PSEN2: variants seen among roughly 807,000 people sequenced by gnomAD.
PSEN2 encodes presenilin 2.
Under a neutral mutation model 49.1 loss-of-function variants are expected in PSEN2, and 32 were observed. That is an observed-to-expected ratio of 0.65 (90% confidence interval 0.49 to 0.88). PSEN2 has a LOEUF of 0.88. Ranked by LOEUF, PSEN2 falls within the 40% of genes least tolerant of loss-of-function variation. The pLI, the probability that PSEN2 is intolerant of heterozygous loss-of-function variation, is 0.00. For missense variants in PSEN2, 522 were observed against 586.9 expected, an observed-to-expected ratio of 0.89 and a Z score of 1.14; for synonymous variants, 255 against 244.0, an observed-to-expected ratio of 1.05 and a Z score of -0.42.
chr1:226,902,937 G>A (rs1296328065), intron 12 of PSEN2, among the ~76,000 whole-genome samples: 2 of 152,124 alleles, frequency 1.3e-5, no homozygotes, highest in Admixed American at 6.5e-5. Flanking sequence ...ACAGAAACCT[G>A]AGAGGCTGAA....
Position 226,890,124 on chromosome 1 carries a change from A to G in PSEN2, c.877A>G (p.Ile293Val). 6.2e-7 allele frequency: 1 copy of G among 1,612,794 alleles called. No individual in the cohort carries two copies. The highest frequency in any genetic ancestry group is 8.5e-7 in the Non-Finnish European group (1 of 1,178,790). Residue 293 changes from isoleucine to valine, a missense_variant, in exon 9 of 13, where the codon ATA (isoleucine) becomes GTA (valine). Physicochemically the swap from Ile to Val is conservative, Grantham distance 29. Transcript: ENST00000366783. ...ERNEPIFPAL[I>V]YSSAMVWTVG... Reference sequence around the variant, plus strand: ...AAATGAGCCCATATTCCCTGCCCTGATATACTCATGTGAGTGAGCCCCCCG... The same window carrying G: ...AAATGAGCCCATATTCCCTGCCCTGGTATACTCATGTGAGTGAGCCCCCCG...
At chr1:226,878,413 G>A (rs1419200984) in intron 3 of PSEN2, among the ~76,000 whole-genome samples, 1 of 152,158 alleles carries the variant, frequency 6.6e-6, no homozygotes. Flanking sequence ...GGAATTGTAA[G>A]GAACTGATTC....
At chr1:226,879,658 C>A (rs895837548) in intron 3 of PSEN2, among the ~76,000 whole-genome samples, 31 of 152,310 alleles carry the variant, frequency 2.0e-4, no homozygotes, top group African/African-American at 6.3e-4. Flanking sequence ...CAAACTCTGC[C>A]TGGTGAAATA....
intron 6 of PSEN2, among the ~76,000 whole-genome samples, chr1:226,886,001 GACTACAGGTTTGCACCACCAT>G (rs1186299805): frequency 2.6e-5 from 4 of 151,944 alleles, no homozygotes; most frequent in Non-Finnish European, 5.9e-5. Context: ...AAGTAGCTAG[GACTACAGGTTTGCACCACCAT>G]ACCTGGCTAA....
chr1:226,890,564 C>G (rs1571964178), intron 9 of PSEN2: 1 of 281,836 alleles, frequency 3.5e-6, no homozygotes, highest in Non-Finnish European at 7.0e-6. Flanking sequence ...GGAAGGCACA[C>G]GGGATGGCCC....
intron 2 of PSEN2, among the ~76,000 whole-genome samples, chr1:226,871,821 C>T (rs1482607838): frequency 2.0e-5 from 3 of 152,218 alleles, no homozygotes; most frequent in Non-Finnish European, 4.4e-5. Flanking sequence ...TTCTTCTCTC[C>T]TGAATGTGGT....
At chr1:226,883,187 A>G (rs1439112120) in intron 4 of PSEN2, among the ~76,000 whole-genome samples, 1 of 152,228 alleles carries the variant, frequency 6.6e-6, no homozygotes, top group Non-Finnish European at 1.5e-5. Context: ...TCAGAGCTAC[A>G]AATTTACATG....
At chr1:226,894,175 G>T (rs200852140) in intron 12 of PSEN2, 50 bp downstream of exon 12, 45 of 1,389,220 alleles carry the variant, frequency 3.2e-5, no homozygotes, top group Non-Finnish European at 4.3e-5. Flanking sequence ...GGCCCCCAGG[G>T]TCCTCATTGT....
At chr1:226,882,889 T>G (rs1199875308) in intron 4 of PSEN2, among the ~76,000 whole-genome samples, 1 of 152,256 alleles carries the variant, frequency 6.6e-6, no homozygotes, top group East Asian at 1.9e-4. Flanking sequence ...GTCTTCTTTC[T>G]TGGCTGAACG....
downstream of PSEN2, chr1:226,897,524 G>A (rs1419922147): frequency 1.3e-5 from 2 of 155,064 alleles, no homozygotes; most frequent in African/African-American, 2.4e-5. Context: ...AAAGACACTG[G>A]AGGAGATGCT....
In PSEN2 at chr1:226,888,130, C is replaced by T. The variant is rs773820169; in HGVS notation, c.538C>T (p.Leu180=). ...GTTGATCATGTCTTCACTGATGCTG[C>T]TGTTCCTCTTCACCTATATCTACCT... The part of the protein sequence containing the change: ...GWLIMSSLML[L]FLFTYIYLGE... The change falls in exon 7 of 13, where the codon CTG becomes TTG. Residue 180 remains leucine, a synonymous_variant. Coordinates refer to ENST00000366783, the MANE Select transcript of PSEN2 (RefSeq NM_000447.3). The T allele has an allele frequency of 6.2e-7, 1 of 1,613,878 alleles. No homozygotes were observed. The highest frequency in any genetic ancestry group is 2.2e-5 in the East Asian group (1 of 44,876).
chr1:226,878,470 G>C (rs961278303), intron 3 of PSEN2, among the ~76,000 whole-genome samples: 10 of 152,168 alleles, frequency 6.6e-5, no homozygotes, highest in African/African-American at 2.2e-4. Context: ...CCACCCATCA[G>C]CTCCCTTTCT....
intron 12 of PSEN2, among the ~76,000 whole-genome samples, chr1:226,903,180 T>G (rs1173853875): frequency 6.6e-6 from 1 of 152,178 alleles, no homozygotes; most frequent in Non-Finnish European, 1.5e-5. Context: ...TTGAAATACT[T>G]TCTTCTCCAA....
chr1:226,885,731 C>T (rs1359638545), intron 6 of PSEN2, 52 bp downstream of exon 6: 3 of 1,597,908 alleles, frequency 1.9e-6, no homozygotes, highest in Non-Finnish European at 2.5e-6. Flanking sequence ...CTGCCCCACA[C>T]CATGGCGGCA....
intron 8 of PSEN2, among the ~76,000 whole-genome samples, chr1:226,889,782 A>G (rs1410780078): frequency 6.6e-6 from 1 of 152,210 alleles, no homozygotes; most frequent in African/African-American, 2.4e-5. Flanking sequence ...GGCTCAGAGA[A>G]GTGGGACTCC....
intron 3 of PSEN2, among the ~76,000 whole-genome samples, chr1:226,879,297 A>G (rs1660828904): frequency 6.6e-6 from 1 of 152,144 alleles, no homozygotes; most frequent in Non-Finnish European, 1.5e-5. Flanking sequence ...CTCTATTTGT[A>G]TGGATTTTGC....
In PSEN2 at chr1:226,895,770, C is replaced by T. The variant is rs1472841510; in HGVS notation, c.*191C>T. 1 of 690,036 alleles carries T rather than the reference C, an allele frequency of 1.4e-6. No homozygotes were observed. Among genetic ancestry groups the T allele is most frequent in the Non-Finnish European group, 2.4e-6 (1 of 415,798 alleles). The allele number at this position is 690,036 out of a possible 1,614,324, so 42.7% of individuals were successfully genotyped here. On this transcript the variant is annotated 3_prime_UTR_variant, in exon 13 of 13. Transcript: ENST00000366783. Reference sequence around the variant, plus strand: ...CTGTTTCATCACCAGACTTTGGCTCCCGCTTTGGGGAGCGCCTCGCTTCAC... The same window carrying T: ...CTGTTTCATCACCAGACTTTGGCTCTCGCTTTGGGGAGCGCCTCGCTTCAC...
chr1:226,891,525 A>G (rs1219837650), intron 10 of PSEN2, among the ~76,000 whole-genome samples, 164 bp downstream of exon 10: 1 of 152,088 alleles, frequency 6.6e-6, no homozygotes, highest in African/African-American at 2.4e-5. Flanking sequence ...AAGATTCAGC[A>G]AGTGTTGGAC....
intron 2 of PSEN2, among the ~76,000 whole-genome samples, chr1:226,873,658 C>T (rs1342682252): frequency 2.0e-5 from 3 of 152,114 alleles, no homozygotes; most frequent in South Asian, 2.1e-4. Context: ...TCAGGTGATC[C>T]GCCAACCTTG....
Sources: allele counts gnomAD v4.1 joint callset (sites outside exome capture counted in the v4.1 genomes callset), GRCh38; gene constraint gnomAD v4.1.1; transcripts MANE v1.5; gene names NCBI Gene and HGNC (gene_info 2026-07-23, HGNC 2026-07-21).